Variants in TENM3 observed in about 807,000 individuals in gnomAD.
TENM3 encodes the protein teneurin-3.
TENM3 carries 63 observed loss-of-function variants against 255.1 expected under a neutral mutation model. The observed-to-expected ratio is 0.25, with a 90% confidence interval of 0.20 to 0.30. The LOEUF (loss-of-function observed/expected upper bound fraction) is 0.30. Among genes scored for constraint, TENM3 ranks in the 10% least tolerant of loss-of-function variants. The pLI is 1.00. For missense variants in TENM3, 2,929 were observed against 3,461.1 expected, an observed-to-expected ratio of 0.85 and a Z score of 3.86; for synonymous variants, 1,306 against 1,322.3, an observed-to-expected ratio of 0.99 and a Z score of 0.27.
At chr4:182,211,285 C>A (rs969848142) in intron 1 of TENM3, among the ~76,000 whole-genome samples, 2 of 152,072 alleles carry the variant, frequency 1.3e-5, no homozygotes, top group African/African-American at 4.8e-5. Context: ...GTTTTTTATA[C>A]TTTTGTCTTT....
At chr4:181,964,649 T>G in the TENM3 span, among the ~76,000 whole-genome samples, 3 of 152,250 alleles carry the variant, frequency 2.0e-5, no homozygotes, top group South Asian at 6.2e-4. Flanking sequence ...CGGGCTATTT[T>G]CTTCTTCTCG....
At chr4:182,517,237 A>T (rs1055510244) in intron 3 of TENM3, among the ~76,000 whole-genome samples, 1 of 152,132 alleles carries the variant, frequency 6.6e-6, no homozygotes, top group Non-Finnish European at 1.5e-5. Flanking sequence ...AACGGCCAAA[A>T]CCATAATCTA....
At chr4:182,653,049 TA>T (rs1368962397) in intron 5 of TENM3, among the ~76,000 whole-genome samples, 3 of 152,158 alleles carry the variant, frequency 2.0e-5, no homozygotes, top group Non-Finnish European at 4.4e-5. Flanking sequence ...GTCTTCTAGT[TA>T]TTTTTTAAAT....
At chr4:182,286,032 A>T (rs1376976430) in intron 1 of TENM3, among the ~76,000 whole-genome samples, 2 of 152,010 alleles carry the variant, frequency 1.3e-5, no homozygotes, top group Non-Finnish European at 1.5e-5. Flanking sequence ...GATACAGGAG[A>T]TCCATCGTGG....
At chr4:181,488,834 C>T in the TENM3 span, among the ~76,000 whole-genome samples, 3 of 152,050 alleles carry the variant, frequency 2.0e-5, no homozygotes, top group Non-Finnish European at 4.4e-5. Context: ...CAAATAATAC[C>T]GCTTGTTAAA....
intron 16 of TENM3, among the ~76,000 whole-genome samples, chr4:182,734,869 A>C (rs918592770): frequency 2.6e-5 from 4 of 152,348 alleles, no homozygotes; most frequent in Non-Finnish European, 5.9e-5. Context: ...CTGGAAGGTC[A>C]CAGGAAATAC....
At chr4:182,675,740 C>T (rs1755616081) in intron 7 of TENM3, among the ~76,000 whole-genome samples, 1 of 152,116 alleles carries the variant, frequency 6.6e-6, no homozygotes, top group African/African-American at 2.4e-5. Context: ...ATGTAACTTA[C>T]AAATTCTAGA....
chr4:181,698,737 T>A, the TENM3 span, among the ~76,000 whole-genome samples: 1 of 152,218 alleles, frequency 6.6e-6, no homozygotes, highest in Non-Finnish European at 1.5e-5. Context: ...TCCATTATAA[T>A]CAAGATGATC....
At chr4:182,040,807 T>TTTGTTG in the TENM3 span, among the ~76,000 whole-genome samples, 2 of 152,190 alleles carry the variant, frequency 1.3e-5, no homozygotes, top group Non-Finnish European at 2.9e-5. Flanking sequence ...TCCATGGTTT[T>TTTGTTG]TTGTTGTTGT....
At chr4:182,402,426 A>G (rs1769272146) in intron 3 of TENM3, among the ~76,000 whole-genome samples, 2 of 152,148 alleles carry the variant, frequency 1.3e-5, no homozygotes, top group Non-Finnish European at 1.5e-5. Flanking sequence ...AGGTCAGTGC[A>G]GCTCTTCAAA....
chr4:181,779,666 C>G, the TENM3 span, among the ~76,000 whole-genome samples: 1 of 151,862 alleles, frequency 6.6e-6, no homozygotes, highest in African/African-American at 2.4e-5. Context: ...AGTTTAAGTT[C>G]TAGGGTACAT....
At chr4:182,377,639 T>C (rs1253452518) in intron 3 of TENM3, among the ~76,000 whole-genome samples, 3 of 152,288 alleles carry the variant, frequency 2.0e-5, no homozygotes, top group East Asian at 1.9e-4. Context: ...AATCCAGATA[T>C]TGTCATTGCT....
chr4:182,583,187 C>G (rs1212509224), intron 3 of TENM3, among the ~76,000 whole-genome samples: 2 of 152,188 alleles, frequency 1.3e-5, no homozygotes, highest in Non-Finnish European at 2.9e-5. Flanking sequence ...GAGGGAGACA[C>G]ATCCCAGAAT....
intron 6 of TENM3, among the ~76,000 whole-genome samples, chr4:182,668,499 T>C (rs938050059): frequency 1.3e-5 from 2 of 152,134 alleles, no homozygotes; most frequent in African/African-American, 4.8e-5. Context: ...ATTAATTAGG[T>C]ATTTTTTCGT....
intron 3 of TENM3, chr4:182,548,579 T>C (rs1741689363): frequency 6.6e-6 from 1 of 152,200 alleles, no homozygotes; most frequent in South Asian, 2.1e-4. Flanking sequence ...GTAGATGTTC[T>C]ACTCCAGAGG....
the TENM3 span, among the ~76,000 whole-genome samples, chr4:181,838,407 G>A: frequency 1.3e-5 from 2 of 152,024 alleles, no homozygotes; most frequent in Non-Finnish European, 2.9e-5. Context: ...CTTTTTTGTC[G>A]AGTTTGGGCA....
intron 1 of TENM3, among the ~76,000 whole-genome samples, chr4:182,247,708 C>G (rs1249214381): frequency 6.6e-6 from 1 of 152,142 alleles, no homozygotes; most frequent in Non-Finnish European, 1.5e-5. Context: ...GCAACTGGAC[C>G]AAGGATGGCT....
the TENM3 span, among the ~76,000 whole-genome samples, chr4:181,605,587 A>G: frequency 4.3e-4 from 17 of 39,776 alleles, 2 homozygotes; most frequent in African/African-American, 1.2e-3. Flanking sequence ...AAAGAAAGGA[A>G]AGAAAGAAAG....
At chr4:182,051,401 G>T in the TENM3 span, among the ~76,000 whole-genome samples, 1,439 of 143,630 alleles carry the variant, frequency 0.01, 12 homozygotes, top group Non-Finnish European at 0.017. Context: ...TTTTGGAGAT[G>T]GAGTCTTGCT....
Sources: gnomAD v4.1 joint callset for allele counts (sites outside exome capture counted in the v4.1 genomes callset) on GRCh38, gnomAD v4.1.1 for gene constraint, MANE v1.5 for transcripts, NCBI Gene and HGNC (gene_info 2026-07-23, HGNC 2026-07-21) for gene names.